Variants in LYPLA1 observed in about 807,000 individuals in gnomAD.
LYPLA1 encodes acyl-protein thioesterase 1.
In LYPLA1, 17 loss-of-function variants were observed where a neutral mutation model predicts 34.0. The ratio of observed to expected loss-of-function variants is 0.50; its 90% confidence interval spans 0.34 to 0.75. The LOEUF (loss-of-function observed/expected upper bound fraction) is 0.75. Ranked by LOEUF, LYPLA1 falls within the 30% of genes least tolerant of loss-of-function variation. The pLI is 0.01. For synonymous variants in LYPLA1, 98 were observed against 100.8 expected, an observed-to-expected ratio of 0.97 and a Z score of 0.17; for missense variants, 203 against 288.8, an observed-to-expected ratio of 0.70 and a Z score of 2.15.
At chr8:54,078,303 T>G (rs1425593281) in intron 2 of LYPLA1, among the ~76,000 whole-genome samples, 1 of 152,118 alleles carries the variant, frequency 6.6e-6, no homozygotes, top group Non-Finnish European at 1.5e-5. Flanking sequence ...TCCAATACAA[T>G]TTTCAAAATA....
chr8:54,101,027 G>T, intron 1 of LYPLA1, 88 bp from the exon 2 acceptor site: 1 of 1,125,020 alleles, frequency 8.9e-7, no homozygotes, highest in East Asian at 2.4e-5. Context: ...GGTGGAAAAC[G>T]GAACGAAACC....
rs879707724 is a variant in LYPLA1 at position 54,096,585 on chromosome 8, CA to C, written c.101+4322del. ...AACCCCCCCGTCTCTACTAAAAATACAAAAAAAATTAGCCAGGCGTGGTGGC... is the reference window on the plus strand; with the variant it reads ...AACCCCCCCGTCTCTACTAAAAATACAAAAAAATTAGCCAGGCGTGGTGGC... On this transcript the variant is annotated intron_variant, in intron 2 of 8. Coordinates refer to ENST00000316963, the MANE Select transcript of LYPLA1 (RefSeq NM_006330.4). Among the ~76,000 whole-genome samples the C allele has an allele frequency of 7.7e-3, 1,166 of 151,168 alleles. 23 individuals carry two copies. Among genetic ancestry groups the C allele is most frequent in the Non-Finnish European group, 7.2e-3 (490 of 67,904 alleles).
At chr8:54,086,042 AAAG>A (rs1333181883) in intron 2 of LYPLA1, among the ~76,000 whole-genome samples, 1 of 152,210 alleles carries the variant, frequency 6.6e-6, no homozygotes, top group Non-Finnish European at 1.5e-5. Flanking sequence ...GTCTGTGTAG[AAAG>A]AAGTAGACAT....
chr8:54,084,133 A>AAAAAAAAAAAAAAATTTTTATATATATAT (rs1373090573), intron 2 of LYPLA1, among the ~76,000 whole-genome samples: 7 of 120,440 alleles, frequency 5.8e-5, no homozygotes, highest in African/African-American at 1.8e-4. Flanking sequence ...AGAAAAAAAA[A>AAAAAAAAAAAAAAATTTTTATATATATAT]ATAAATAAAT....
In LYPLA1 at chr8:54,087,281, G is replaced by A. The variant is rs138038999; in HGVS notation, c.101+13627C>T. Among the ~76,000 whole-genome samples the A allele has an allele frequency of 2.5e-3, 379 of 152,228 alleles. 1 individual carries two copies. Among genetic ancestry groups the A allele is most frequent in the Middle Eastern group, 0.024 (7 of 294 alleles). On this transcript the variant is annotated intron_variant, in intron 2 of 8. Coordinates refer to ENST00000316963, the MANE Select transcript of LYPLA1 (RefSeq NM_006330.4). ...TGTAATAAAGTCAACAATTCCATTC[G>A]TCATAGTATACAAAGAATAAAATAC...
intron 2 of LYPLA1, among the ~76,000 whole-genome samples, chr8:54,084,133 A>AAAAAAAAAAAAATAT (rs1373090573): frequency 1.7e-5 from 2 of 120,482 alleles, no homozygotes; most frequent in African/African-American, 9.2e-5. Flanking sequence ...AGAAAAAAAA[A>AAAAAAAAAAAAATAT]ATAAATAAAT....
At chr8:54,085,349 C>T (rs1183546621) in intron 2 of LYPLA1, among the ~76,000 whole-genome samples, 1 of 152,242 alleles carries the variant, frequency 6.6e-6, no homozygotes, top group Non-Finnish European at 1.5e-5. Flanking sequence ...CCTCCACCTC[C>T]CAGCTGCCTG....
intron 5 of LYPLA1, among the ~76,000 whole-genome samples, chr8:54,056,694 T>TA (rs565350906): frequency 2.7e-3 from 416 of 152,222 alleles, no homozygotes; most frequent in Non-Finnish European, 3.3e-3. Flanking sequence ...GAGGGTGGGT[T>TA]ACGAGGTCAA....
intron 2 of LYPLA1, among the ~76,000 whole-genome samples, chr8:54,090,049 T>G (rs919018622): frequency 6.6e-6 from 1 of 152,238 alleles, no homozygotes; most frequent in African/African-American, 2.4e-5. Context: ...TGAATGGATG[T>G]GCAATCACGG....
chr8:54,050,246 T>TCC (rs1489726449), intron 8 of LYPLA1, among the ~76,000 whole-genome samples: 1 of 152,228 alleles, frequency 6.6e-6, no homozygotes, highest in Non-Finnish European at 1.5e-5. Context: ...TCTAAAACTG[T>TCC]TTCTTGCACC....
At chr8:54,052,848 A>C (rs1805940494) in intron 6 of LYPLA1, 92 bp from the exon 7 acceptor site, 1 of 777,802 alleles carries the variant, frequency 1.3e-6, no homozygotes, top group African/African-American at 1.7e-5. Context: ...TCCATAAAAA[A>C]ATCAAACTTG....
chr8:54,075,895 G>A (rs759767686), intron 2 of LYPLA1, among the ~76,000 whole-genome samples: 8 of 150,868 alleles, frequency 5.3e-5, no homozygotes, highest in East Asian at 1.9e-4. Context: ...GCAGAGGTGC[G>A]GCACAATGAT....
intron 2 of LYPLA1, among the ~76,000 whole-genome samples, chr8:54,085,763 TG>T (rs1222111771): frequency 2.0e-5 from 1 of 50,638 alleles, no homozygotes; most frequent in Admixed American, 2.0e-4. Context: ...GTCAGTTAGG[TG>T]GGGGGGCAGC....
intron 2 of LYPLA1, among the ~76,000 whole-genome samples, chr8:54,081,286 AT>A (rs1402265648): frequency 6.6e-6 from 1 of 152,102 alleles, no homozygotes; most frequent in Non-Finnish European, 1.5e-5. Context: ...ATTTATTTAT[AT>A]TTTGTGCTAC....
chr8:54,084,718 T>C (rs1808576239), intron 2 of LYPLA1, among the ~76,000 whole-genome samples: 1 of 152,192 alleles, frequency 6.6e-6, no homozygotes, highest in Non-Finnish European at 1.5e-5. Flanking sequence ...AACAGACTAC[T>C]ACTAACTTGA....
chr8:54,084,935 G>A (rs1468659577), intron 2 of LYPLA1, among the ~76,000 whole-genome samples: 2 of 152,040 alleles, frequency 1.3e-5, no homozygotes, highest in African/African-American at 4.8e-5. Context: ...GCTTCAAGGT[G>A]AAGTCTACCA....
chr8:54,091,969 T>G (rs1168593040), intron 2 of LYPLA1, among the ~76,000 whole-genome samples: 2 of 151,910 alleles, frequency 1.3e-5, no homozygotes, highest in African/African-American at 2.4e-5. Context: ...GCAGCTGTAC[T>G]TCCAGTCACT....
At chr8:54,078,198 C>G (rs1361320445) in intron 2 of LYPLA1, among the ~76,000 whole-genome samples, 1 of 152,084 alleles carries the variant, frequency 6.6e-6, no homozygotes, top group Non-Finnish European at 1.5e-5. Context: ...GTGATCTGCC[C>G]TCCTCAGCCT....
chr8:54,079,121 T>G (rs1368051259), intron 2 of LYPLA1, among the ~76,000 whole-genome samples: 1 of 151,956 alleles, frequency 6.6e-6, no homozygotes, highest in East Asian at 1.9e-4. Context: ...GGGATACAGG[T>G]GCCCACCACC....
Sources: gnomAD v4.1 joint callset for allele counts (sites outside exome capture counted in the v4.1 genomes callset) on GRCh38, gnomAD v4.1.1 for gene constraint, MANE v1.5 for transcripts, NCBI Gene and HGNC (gene_info 2026-07-23, HGNC 2026-07-21) for gene names.